The following DNHD1 variants were observed in gnomAD, a reference collection of about 807,000 sequenced individuals.
DNHD1 encodes the protein dynein heavy chain domain 1.
DNHD1 carries 383 observed loss-of-function variants against 458.1 expected under a neutral mutation model. The ratio of observed to expected loss-of-function variants is 0.84; its 90% CI spans 0.77 to 0.91. The LOEUF (loss-of-function observed/expected upper bound fraction) is 0.91. DNHD1 is among the 40% of genes least tolerant of loss of function. The probability of loss-of-function intolerance (pLI) is 0.00; values close to 1 mark genes in which losing one functional copy is unlikely to be tolerated. For synonymous variants in DNHD1, 2,203 were observed against 2,376.9 expected (o/e 0.93, Z 2.13); for missense variants, 5,336 against 5,866.1 (o/e 0.91, Z 2.95).
At position 6,498,542 on chromosome 11, in the gene DNHD1, G is replaced by A; in HGVS notation, c.327G>A (p.Glu109=). Residue 109 remains glutamate (E), a synonymous_variant, in exon 3 of 43, where the codon GAG becomes GAA. Coordinates refer to ENST00000254579, the MANE Select transcript of DNHD1 (RefSeq NM_144666.3). ...ACCTTGATTTGCTGCCCTTCCTGGA[G>A]CAGCTGTACTGCTGGGCACCCTGGG... is the stretch of plus-strand genomic sequence containing the variant. ...VGHLDLLPFL[E]QLYCWAPWVQ... is the part of the protein sequence containing the mutation. The A allele has an allele frequency of 1.2e-6, 2 of 1,614,180 alleles. No individual in the cohort carries two copies. The highest frequency in any genetic ancestry group is 1.7e-6 in the Non-Finnish European group (2 of 1,180,024).
rs1852218209 is a variant in DNHD1 at position 6,505,711 on chromosome 11, G to C, written c.920+2785G>C. Among the ~76,000 whole-genome samples the C allele has an allele frequency of 6.6e-6, 1 of 152,174 alleles. No individual in the cohort carries two copies. The highest frequency in any genetic ancestry group is 2.4e-5 in the African/African-American group (1 of 41,434). On this transcript the variant is annotated intron_variant, in intron 4 of 42. Transcript: ENST00000254579. The surrounding 1 kb of genome is among the most constrained non-coding windows in gnomAD (Gnocchi z 4.4). ...TCTAATATAGGATCTTCTTTGGTTT[G>C]GTAATGTCCTTGGCCTAAAACAGTA...
intron 4 of DNHD1, chr11:6,503,858 T>G (rs1852183210): frequency 6.6e-6 from 1 of 152,180 alleles, no homozygotes; most frequent in Non-Finnish European, 1.5e-5. Context: ...TTAACCAAAC[T>G]CTTCAATATA....
chr11:6,552,531 T>A (rs903450423), intron 24 of DNHD1, among the ~76,000 whole-genome samples: 19 of 151,388 alleles, frequency 1.3e-4, no homozygotes, highest in Non-Finnish European at 2.1e-4. Flanking sequence ...TCCCAAAAAA[T>A]ATATATATAT....
chr11:6,508,780 C>T, intron 4 of DNHD1, 100 bp from the exon 5 acceptor site: 4 of 1,040,258 alleles, frequency 3.8e-6, no homozygotes, highest in Non-Finnish European at 5.6e-6. Context: ...CTTCTGCCTG[C>T]CTTCCTGTTC....
chr11:6,544,144 A>G lies in DNHD1; in HGVS notation c.3652A>G (p.Ile1218Val). The G allele has an allele frequency of 1.9e-6, 3 of 1,551,584 alleles. No homozygotes were observed. The highest frequency in any genetic ancestry group is 2.6e-6 in the Non-Finnish European group (3 of 1,146,954). ...LSDYSNLQDSIQESLQVLSKI... is the reference protein window; with the variant it reads ...LSDYSNLQDSVQESLQVLSKI... ...AGATTACAGCAACCTGCAGGATTCC[A>G]TCCAGGAAAGTCTTCAGGTGTTGTC... Residue 1218 changes from isoleucine to valine, a missense_variant, in exon 19 of 43, where the codon ATC becomes GTC. By Grantham distance (29) the Ile-to-Val change is conservative (BLOSUM62 3). Transcript: ENST00000254579.
At chr11:6,528,339 A>G (rs1170573767) in intron 10 of DNHD1, among the ~76,000 whole-genome samples, 183 bp from the exon 11 acceptor site, 3 of 151,994 alleles carry the variant, frequency 2.0e-5, no homozygotes, top group Non-Finnish European at 1.5e-5. Flanking sequence ...AATCCCCTCC[A>G]TGGGTCTAGT....
At position 6,557,434 on chromosome 11, in the gene DNHD1, G is replaced by T; in HGVS notation, c.8139G>T (p.Glu2713Asp). The change falls in exon 25 of 43, where the codon GAG (glutamate) becomes GAT (aspartate). Residue 2713 changes from glutamate to aspartate, a missense_variant. Around this residue, in one of 4 missense-constraint regions of DNHD1, gnomAD observed 3,932 missense variants for 4,365.6 expected, o/e 0.90. Coordinates refer to ENST00000254579, the MANE Select transcript of DNHD1 (RefSeq NM_144666.3). ...ERVPEVESEG[E>D]LAQWEDFSNS... ...TGCCCGAAGTAGAATCTGAAGGGGA[G>T]TTGGCCCAGTGGGAGGACTTCAGCA... 1 of 1,551,538 alleles carries T rather than the reference G, an allele frequency of 6.4e-7. No individual in the cohort carries two copies. Among genetic ancestry groups the T allele is most frequent in the Non-Finnish European group, 8.7e-7 (1 of 1,147,094 alleles).
At position 6,505,016 on chromosome 11, in the gene DNHD1, A is replaced by C. The variant is rs1455924002; in HGVS notation, c.920+2090A>C. On this transcript the variant is annotated intron_variant, in intron 4 of 42. Transcript: ENST00000254579. This position sits in a 1 kb window ranked among gnomAD's most constrained non-coding sequence, Gnocchi z 4.4. ...TGGCTAGTTTTTAAATTTTTTGTAG[A>C]TATGGGATCTCACTTTGTTGCTCAA... Among the ~76,000 whole-genome samples the C allele has an allele frequency of 6.6e-6, 1 of 151,614 alleles. No individual in the cohort carries two copies. Among genetic ancestry groups the C allele is most frequent in the Non-Finnish European group, 1.5e-5 (1 of 67,904 alleles).
intron 14 of DNHD1, among the ~76,000 whole-genome samples, chr11:6,536,432 C>T (rs891342406): frequency 6.6e-6 from 1 of 152,084 alleles, no homozygotes; most frequent in African/African-American, 2.4e-5. Flanking sequence ...GAAATGCATA[C>T]TTGAGTATTT....
At chr11:6,551,485 A>G (rs1386146973) in intron 24 of DNHD1, among the ~76,000 whole-genome samples, 1 of 152,234 alleles carries the variant, frequency 6.6e-6, no homozygotes, top group Admixed American at 6.5e-5. Flanking sequence ...TGAAATAGAA[A>G]AACATACAAA....
rs74053406 is a variant in DNHD1, at chr11:6,517,868, C to T, written c.1393-1732C>T. ...ACAATATGTCTCACAAATTTCTTTG[C>T]CCATCAAATCTTTTGTAGAATACTT... On this transcript the variant is annotated intron_variant, in intron 7 of 42. Coordinates refer to ENST00000254579, the MANE Select transcript of DNHD1 (RefSeq NM_144666.3). Among the ~76,000 whole-genome samples the T allele has an allele frequency of 1.6e-3, 243 of 151,894 alleles. 1 individual carries two copies. The highest frequency in any genetic ancestry group is 5.4e-3 in the African/African-American group (223 of 41,436).
chr11:6,501,596 C>T lies in DNHD1; in HGVS notation c.747-1157C>T, dbSNP rs560024571. Among the ~76,000 whole-genome samples, 312 of 151,956 alleles carry T rather than the reference C, an allele frequency of 2.1e-3. 1 individual carries two copies. The highest frequency in any genetic ancestry group is 7.3e-3 in the African/African-American group (303 of 41,430). On this transcript the variant is annotated intron_variant, in intron 3 of 42. Coordinates refer to ENST00000254579, the MANE Select transcript of DNHD1 (RefSeq NM_144666.3). ...GCTGAAAACTTCAGCTTTCTCCAGG[C>T]AGAGAAGGAGACAGAGAATGGGATG...
intron 14 of DNHD1, 92 bp from the exon 15 acceptor site, chr11:6,538,291 C>T: frequency 7.9e-7 from 1 of 1,273,278 alleles, no homozygotes; most frequent in Non-Finnish European, 1.1e-6. Context: ...TGGACCCTAC[C>T]TTCTGTCATT....
chr11:6,547,631 A>T lies in DNHD1; in HGVS notation c.6692A>T (p.His2231Leu), dbSNP rs1327125668. The T allele has an allele frequency of 6.5e-7, 1 of 1,532,270 alleles. No individual in the cohort carries two copies. Among genetic ancestry groups the T allele is most frequent in the Non-Finnish European group, 8.8e-7 (1 of 1,133,292 alleles). The allele number at this position is 1,532,270 out of a possible 1,614,324, so 94.9% of individuals were successfully genotyped here. ...ATCTTGCATAGTCTGCTTGACCTCC[A>T]CCTTCGCCTAAAGGAGGAGAAGGCC... ...ARILHSLLDLHLRLKEEKAPG... is the reference protein window; with the variant it reads ...ARILHSLLDLLLRLKEEKAPG... Residue 2231 changes from histidine to leucine, a missense_variant, in exon 21 of 43, where the codon CAC (histidine) becomes CTC (leucine). Physicochemically the swap from His to Leu is moderately conservative, Grantham distance 99. Transcript: ENST00000254579.
intron 24 of DNHD1, among the ~76,000 whole-genome samples, chr11:6,551,935 C>T (rs919781230): frequency 7.2e-5 from 10 of 138,932 alleles, no homozygotes; most frequent in South Asian, 2.4e-4. Context: ...AGCGAGACTC[C>T]GTCTCCAAAA....
In DNHD1 at chr11:6,502,841, C is replaced by T. The variant is rs1852164950; in HGVS notation, c.835C>T (p.Gln279Ter). Residue 279 changes from glutamine to a stop codon, truncating the protein, a stop_gained, in exon 4 of 43, where the codon CAG (glutamine) becomes TAG (stop). Coordinates refer to ENST00000254579, the MANE Select transcript of DNHD1 (RefSeq NM_144666.3). LOFTEE classifies it high-confidence loss of function. ...FSPETSFLDS[Q>*]VMTALKMERY... is the part of the protein sequence containing the mutation. ...ACCTGAGACTTCCTTCCTGGATAGCCAGGTGATGACTGCTCTGAAGATGGA... is the reference window on the plus strand; with the variant it reads ...ACCTGAGACTTCCTTCCTGGATAGCTAGGTGATGACTGCTCTGAAGATGGA... The T allele has an allele frequency of 1.2e-6, 2 of 1,613,310 alleles. No individual in the cohort carries two copies. Among genetic ancestry groups the T allele is most frequent in the Non-Finnish European group, 8.5e-7 (1 of 1,179,688 alleles).
chr11:6,548,389 A>C lies in DNHD1; in HGVS notation c.7085A>C (p.His2362Pro). Reference protein sequence around the residue: ...SHIKGTLGTFHPSIQTERLLY... With the variant: ...SHIKGTLGTFPPSIQTERLLY... ...ATCAAAGGAACTTTGGGCACCTTTC[A>C]CCCTTCTATCCAGGTGTGAGGACAG... The change falls in exon 23 of 43, where the codon CAC becomes CCC. Residue 2362 changes from histidine (H) to proline (P), a missense_variant. His to Pro is a moderately conservative substitution (Grantham distance 77). Coordinates refer to ENST00000254579, the MANE Select transcript of DNHD1 (RefSeq NM_144666.3). This position sits in a 1 kb window ranked among gnomAD's most constrained non-coding sequence, Gnocchi z 4.4. 6.4e-7 allele frequency: 1 copy of C among 1,551,610 alleles called. No homozygotes were observed. The highest frequency in any genetic ancestry group is 8.7e-7 in the Non-Finnish European group (1 of 1,146,976).
intron 7 of DNHD1, among the ~76,000 whole-genome samples, chr11:6,512,473 C>T (rs535544973): frequency 9.9e-5 from 15 of 151,998 alleles, no homozygotes; most frequent in African/African-American, 2.4e-4. Flanking sequence ...CCGCCCACCT[C>T]GGCCTCCCAA....
In DNHD1 at chr11:6,557,150, C is replaced by T. The variant is rs775341247; in HGVS notation, c.7855C>T (p.His2619Tyr). ...GSRGFVDYPN[H>Y]QEHLRRVSGL... The stretch of plus-strand genomic sequence containing the variant: ...CCGAGGTTTTGTGGACTATCCCAAC[C>T]ACCAGGAGCACTTGCGCCGGGTGTC... The change falls in exon 25 of 43, where the codon CAC (histidine) becomes TAC (tyrosine). Residue 2619 changes from histidine (H) to tyrosine (Y), a missense_variant. By Grantham distance (83) the His-to-Tyr change is moderately conservative. Around this residue, in one of 4 missense-constraint regions of DNHD1, gnomAD observed 3,932 missense variants for 4,365.6 expected, o/e 0.90. Transcript: ENST00000254579. 5.3e-5 allele frequency: 82 copies of T among 1,551,754 alleles called. No individual in the cohort carries two copies. The highest frequency in any genetic ancestry group is 7.0e-5 in the Non-Finnish European group (80 of 1,147,006).
Sources: gnomAD v4.1 joint callset for allele counts (sites outside exome capture counted in the v4.1 genomes callset) on GRCh38, gnomAD v4.1.1 for gene constraint, gnomAD v4.1.1 regional missense constraint, Gnocchi (gnomAD v3.1) non-coding constraint, MANE v1.5 for transcripts, NCBI Gene and HGNC (gene_info 2026-07-23, HGNC 2026-07-21) for gene names.